Variants in EYS observed in about 807,000 individuals in gnomAD.
EYS encodes protein eyes shut homolog.
In EYS, 250 loss-of-function variants were observed where a neutral mutation model predicts 282.1. That is an observed-to-expected ratio of 0.89 (90% confidence interval 0.80 to 0.98). The LOEUF (loss-of-function observed/expected upper bound fraction) is 0.98. Among genes scored for constraint, EYS ranks in the 50% least tolerant of loss-of-function variants. EYS has a pLI of 0.00. For missense variants in EYS, 4,016 were observed against 3,709.0 expected (o/e 1.08, Z -2.15); for synonymous variants, 1,355 against 1,282.9 (o/e 1.06, Z -1.20).
chr6:64,933,413 G>T (rs1024543198), intron 15 of EYS, among the ~76,000 whole-genome samples: 1 of 152,072 alleles, frequency 6.6e-6, no homozygotes, highest in African/African-American at 2.4e-5. Flanking sequence ...TTAGAGAAAT[G>T]CAAATCAAAA....
intron 12 of EYS, among the ~76,000 whole-genome samples, chr6:65,160,777 T>C (rs990648569): frequency 6.6e-6 from 1 of 151,006 alleles, no homozygotes. Context: ...GATTTGTATA[T>C]GTAAATTCCA....
At chr6:64,724,831 T>C (rs1771699085) in intron 22 of EYS, among the ~76,000 whole-genome samples, 1 of 152,164 alleles carries the variant, frequency 6.6e-6, no homozygotes. Flanking sequence ...ATACAAGTAA[T>C]ATACCACTTT....
chr6:63,767,291 A>C (rs530641295), intron 40 of EYS, among the ~76,000 whole-genome samples: 5 of 152,224 alleles, frequency 3.3e-5, no homozygotes, highest in African/African-American at 1.2e-4. Flanking sequence ...AATTCAAGCT[A>C]TCTCTCCTTG....
intron 31 of EYS, among the ~76,000 whole-genome samples, chr6:64,204,884 T>C (rs1042146821): frequency 1.3e-5 from 2 of 152,170 alleles, no homozygotes; most frequent in East Asian, 3.8e-4. Flanking sequence ...AGCTCCATAA[T>C]ATGCACACTA....
chr6:65,703,071 T>C (rs903247480), intron 1 of EYS, among the ~76,000 whole-genome samples: 1 of 152,096 alleles, frequency 6.6e-6, no homozygotes, highest in African/African-American at 2.4e-5. Flanking sequence ...GCCTTCCAAT[T>C]AGAGCTGCAG....
intron 2 of EYS, among the ~76,000 whole-genome samples, chr6:65,505,890 A>T (rs183986856): frequency 6.2e-4 from 94 of 152,282 alleles, no homozygotes; most frequent in Non-Finnish European, 1.1e-3. Context: ...ATTGCCAATT[A>T]TATCAAGCTG....
intron 12 of EYS, among the ~76,000 whole-genome samples, chr6:65,272,361 T>C (rs1437379982): frequency 2.6e-5 from 4 of 152,110 alleles, no homozygotes; most frequent in Admixed American, 6.6e-5. Context: ...TGTCCCTTCA[T>C]GAGCAGGAAC....
At chr6:65,099,293 G>A (rs573116061) in intron 12 of EYS, among the ~76,000 whole-genome samples, 2 of 150,586 alleles carry the variant, frequency 1.3e-5, no homozygotes, top group Non-Finnish European at 3.0e-5. Context: ...ATCTTAAAAG[G>A]TGTTCTAGTG....
chr6:64,080,648 T>TG (rs566214215), intron 32 of EYS, among the ~76,000 whole-genome samples: 3,088 of 152,240 alleles, frequency 0.02, 126 homozygotes, highest in African/African-American at 0.07. Flanking sequence ...ATGTCCTGAA[T>TG]GGTATTGCCT....
At chr6:63,819,971 A>C (rs1447711000) in intron 36 of EYS, among the ~76,000 whole-genome samples, 1 of 152,204 alleles carries the variant, frequency 6.6e-6, no homozygotes. Flanking sequence ...AGGATTCAAC[A>C]GTGACACTTC....
intron 22 of EYS, among the ~76,000 whole-genome samples, chr6:64,752,312 A>T (rs1425634878): frequency 1.3e-5 from 2 of 152,142 alleles, no homozygotes; most frequent in African/African-American, 4.8e-5. Flanking sequence ...TTTTTAAAAA[A>T]TAAACAAACA....
At chr6:64,132,593 C>T (rs1027371077) in intron 31 of EYS, among the ~76,000 whole-genome samples, 16 of 151,790 alleles carry the variant, frequency 1.1e-4, no homozygotes, top group African/African-American at 3.1e-4. Flanking sequence ...AAGTGTCTCT[C>T]ATGTAAGAAG....
chr6:64,451,441 C>T (rs1453204724), intron 26 of EYS, among the ~76,000 whole-genome samples: 1 of 152,168 alleles, frequency 6.6e-6, no homozygotes, highest in African/African-American at 2.4e-5. Flanking sequence ...CAAGGAGGAG[C>T]TGGTACCATT....
At chr6:65,514,834 AC>A (rs1767058012) in intron 2 of EYS, among the ~76,000 whole-genome samples, 1 of 152,126 alleles carries the variant, frequency 6.6e-6, no homozygotes, top group South Asian at 2.1e-4. Context: ...AACCATAAAA[AC>A]CCTAGAAGAA....
chr6:64,949,742 T>A (rs1312545900), intron 14 of EYS, among the ~76,000 whole-genome samples: 1 of 151,862 alleles, frequency 6.6e-6, no homozygotes, highest in Non-Finnish European at 1.5e-5. Flanking sequence ...ATCTCGAGGA[T>A]CATCTTAAAA....
At chr6:64,924,575 T>C (rs1768453242) in intron 15 of EYS, among the ~76,000 whole-genome samples, 1 of 152,228 alleles carries the variant, frequency 6.6e-6, no homozygotes, top group Non-Finnish European at 1.5e-5. Context: ...TTCCAAATTA[T>C]TATGCTCTGC....
chr6:64,529,150 A>T (rs911912186), intron 26 of EYS, among the ~76,000 whole-genome samples: 17 of 152,024 alleles, frequency 1.1e-4, no homozygotes, highest in Non-Finnish European at 1.9e-4. Flanking sequence ...TTGTATGTAC[A>T]AAGAAGGCTC....
chr6:64,558,255 A>C (rs1765291775), intron 26 of EYS, among the ~76,000 whole-genome samples: 1 of 152,084 alleles, frequency 6.6e-6, no homozygotes, highest in Admixed American at 6.6e-5. Context: ...TTACAAAACC[A>C]TTTCTTAAAA....
intron 1 of EYS, among the ~76,000 whole-genome samples, chr6:65,683,446 T>C (rs1203446894): frequency 6.6e-6 from 1 of 151,810 alleles, no homozygotes; most frequent in African/African-American, 2.4e-5. Flanking sequence ...ATTGCAATAA[T>C]GTTGAATACA....
Sources: allele counts gnomAD v4.1 joint callset (sites outside exome capture counted in the v4.1 genomes callset), GRCh38; gene constraint gnomAD v4.1.1; transcripts MANE v1.5; gene names NCBI Gene and HGNC (gene_info 2026-07-23, HGNC 2026-07-21).